TMEM183A: variants seen among roughly 807,000 people sequenced by gnomAD.
TMEM183A encodes transmembrane protein 183A.
Under a neutral mutation model 46.7 loss-of-function variants are expected in TMEM183A, and 21 were observed. The ratio of observed to expected loss-of-function variants is 0.45; its 90% CI spans 0.32 to 0.65. The LOEUF is 0.65. Among genes scored for constraint, TMEM183A ranks in the 30% least tolerant of loss-of-function variants. TMEM183A has a pLI of 0.04. For synonymous variants in TMEM183A, 165 were observed against 180.2 expected (o/e 0.92, Z 0.68); for missense variants, 331 against 481.9 (o/e 0.69, Z 2.93).
intron 7 of TMEM183A, 34 bp downstream of exon 7, chr1:203,020,982 C>CTTT (rs71142585): frequency 2.5e-4 from 311 of 1,233,230 alleles, no homozygotes; most frequent in South Asian, 6.3e-4. Context: ...TTCTCAGCTC[C>CTTT]TTTTTTTTTT....
In TMEM183A at chr1:203,020,681, A is replaced by G. The variant is rs940161958; in HGVS notation, c.790-112A>G. The G allele has an allele frequency of 3.8e-6, 5 of 1,318,756 alleles. No individual in the cohort carries two copies. The African/African-American group carries it at 7.5e-5, about 20-fold the overall frequency. 81.7% of individuals were successfully genotyped at this position (1,318,756 alleles called of 1,614,324 possible). On this transcript the variant is annotated intron_variant, in intron 6 of 7. Coordinates refer to ENST00000367242, the MANE Select transcript of TMEM183A (RefSeq NM_138391.6). ...ATAGAAACATGTATAAAGAGAGAAG[A>G]TAAAAGTGTATCTCACTAGCTTTAG...
rs142465608 is a variant in TMEM183A, at chr1:203,022,014, A to T, written c.946-841A>T. ...TTAATGTGTCTGTTAATATGTATGT[A>T]CTCTCTCTCTCTCAAATAATTTTGT... On this transcript the variant is annotated intron_variant, in intron 7 of 7. Coordinates refer to ENST00000367242, the MANE Select transcript of TMEM183A (RefSeq NM_138391.6). Among the ~76,000 whole-genome samples, 106 of 151,888 alleles carry T rather than the reference A, an allele frequency of 7.0e-4. 1 individual carries two copies. The East Asian group carries it at 0.016, about 23-fold the overall frequency.
chr1:203,016,769 T>C (rs1460589985), intron 5 of TMEM183A, among the ~76,000 whole-genome samples: 1 of 152,238 alleles, frequency 6.6e-6, no homozygotes, highest in East Asian at 1.9e-4. Context: ...TTCCCTGATA[T>C]TTTATATTCA....
intron 3 of TMEM183A, among the ~76,000 whole-genome samples, chr1:203,012,159 C>CAA: frequency 7.8e-6 from 1 of 128,686 alleles, no homozygotes; most frequent in East Asian, 2.1e-4. Flanking sequence ...CACACACACA[C>CAA]ACACACACAC....
chr1:203,007,950 G>A, intron 2 of TMEM183A, 87 bp downstream of exon 2: 6 of 1,523,050 alleles, frequency 3.9e-6, no homozygotes, highest in Non-Finnish European at 3.6e-6. Flanking sequence ...TCCTTTAGTC[G>A]TCTTCCTGTA....
In TMEM183A at chr1:203,023,583, A is replaced by G. The variant is rs1657920599; in HGVS notation, c.*543A>G. ...TCTTTTTTAAAAAATAATTTGTGAT[A>G]TTTATTGCATACATTTTCTTTTGGC... is the stretch of plus-strand genomic sequence containing the variant. On this transcript the variant is annotated 3_prime_UTR_variant, in exon 8 of 8. Transcript: ENST00000367242. The G allele has an allele frequency of 6.5e-6, 1 of 152,982 alleles. No homozygotes were observed. The highest frequency in any genetic ancestry group is 2.4e-5 in the African/African-American group (1 of 41,430). 9.5% of individuals were successfully genotyped at this position (152,982 alleles called of 1,614,324 possible).
Position 203,014,340 on chromosome 1 carries a change from C to T in TMEM183A, c.368-549C>T, listed in dbSNP as rs1452916707. Among the ~76,000 whole-genome samples the T allele has an allele frequency of 3.3e-5, 5 of 152,288 alleles. No homozygotes were observed. In the East Asian group the frequency reaches 5.8e-4, roughly 18 times the overall value. On this transcript the variant is annotated intron_variant, in intron 3 of 7. Transcript: ENST00000367242. The stretch of plus-strand genomic sequence containing the variant: ...AATGATGGTCAGGTGCAGTGGCTCA[C>T]GCCAGTAATCCCAGCACTTTGGGAG...
chr1:203,016,834 C>G (rs1476265820), intron 5 of TMEM183A, among the ~76,000 whole-genome samples: 1 of 152,126 alleles, frequency 6.6e-6, no homozygotes, highest in African/African-American at 2.4e-5. Flanking sequence ...TGTCTACTAG[C>G]CTTTGGTCCA....
intron 5 of TMEM183A, 178 bp downstream of exon 5, chr1:203,016,318 C>T: frequency 1.2e-6 from 1 of 829,716 alleles, no homozygotes. Flanking sequence ...GCTGTGCTGG[C>T]TGGCTTATCT....
At position 203,016,096 on chromosome 1, in the gene TMEM183A, C is replaced by T. The variant is rs746561575; in HGVS notation, c.664C>T (p.Pro222Ser). ...EPFAARISKN[P>S]AIPESTPSTL... Reference sequence around the variant, plus strand: ...ATTTGCTGCTCGAATCTCCAAGAATCCAGCCATTCCAGAAAGCACCCCCAG... The same window carrying T: ...ATTTGCTGCTCGAATCTCCAAGAATTCAGCCATTCCAGAAAGCACCCCCAG... Residue 222 changes from proline (P) to serine (S), a missense_variant, in exon 5 of 8, where the codon CCA (proline) becomes TCA (serine). Pro to Ser is a moderately conservative substitution (Grantham distance 74). This residue lies in a region of TMEM183A where 233 missense variants were observed against 385.8 expected (regional missense o/e 0.60). Transcript: ENST00000367242. The T allele has an allele frequency of 6.2e-7, 1 of 1,614,094 alleles. No homozygotes were observed. Among genetic ancestry groups the T allele is most frequent in the African/African-American group, 1.3e-5 (1 of 74,930 alleles).
intron 2 of TMEM183A, 40 bp from the exon 3 acceptor site, chr1:203,008,603 G>A (rs749418099): frequency 2.3e-5 from 33 of 1,426,930 alleles, no homozygotes; most frequent in Non-Finnish European, 3.0e-5. Context: ...TTTCTGGGTG[G>A]AGCTGTGTGC....
intron 5 of TMEM183A, chr1:203,017,623 C>A: frequency 2.0e-6 from 1 of 496,984 alleles, no homozygotes; most frequent in Non-Finnish European, 2.6e-6. Flanking sequence ...GCAGATATCC[C>A]GTGCATGGCC....
At chr1:203,012,575 C>T (rs559260129) in intron 3 of TMEM183A, among the ~76,000 whole-genome samples, 31 of 152,266 alleles carry the variant, frequency 2.0e-4, no homozygotes, top group Admixed American at 4.6e-4. Flanking sequence ...CTATTTCCTT[C>T]GTTTTGAAAG....
rs1657142377 is a variant in TMEM183A at position 203,016,087 on chromosome 1, T to G, written c.655T>G (p.Ser219Ala). 1.9e-6 allele frequency: 3 copies of G among 1,614,216 alleles called. No individual in the cohort carries two copies. Among genetic ancestry groups the G allele is most frequent in the South Asian group, 2.2e-5 (2 of 91,086 alleles). ...HMYEPFAARISKNPAIPESTP... is the reference protein window; with the variant it reads ...HMYEPFAARIAKNPAIPESTP... ...GTATGAGCCATTTGCTGCTCGAATC[T>G]CCAAGAATCCAGCCATTCCAGAAAG... The change falls in exon 5 of 8, where the codon TCC (serine) becomes GCC (alanine). Residue 219 changes from serine (S) to alanine (A), a missense_variant. By Grantham distance (99) the Ser-to-Ala change is moderately conservative (BLOSUM62 1). Coordinates refer to ENST00000367242, the MANE Select transcript of TMEM183A (RefSeq NM_138391.6).
chr1:203,015,302 TCC>T, intron 4 of TMEM183A: 1 of 527,120 alleles, frequency 1.9e-6, no homozygotes, highest in Non-Finnish European at 3.3e-6. Flanking sequence ...TTGCTTCAAG[TCC>T]CAGATAGAAG....
chr1:203,020,100 T>C (rs1460781075), intron 6 of TMEM183A, among the ~76,000 whole-genome samples: 1 of 152,214 alleles, frequency 6.6e-6, no homozygotes, highest in Non-Finnish European at 1.5e-5. Context: ...TACTATGAAT[T>C]ATTCTCACGT....
chr1:203,022,612 A>C (rs1657801515), intron 7 of TMEM183A, among the ~76,000 whole-genome samples: 1 of 152,108 alleles, frequency 6.6e-6, no homozygotes, highest in African/African-American at 2.4e-5. Context: ...CTGAGGCACA[A>C]GAATCGTTTG....
intron 7 of TMEM183A, 82 bp downstream of exon 7, chr1:203,021,030 T>TC: frequency 9.8e-7 from 1 of 1,019,808 alleles, no homozygotes; most frequent in Non-Finnish European, 1.3e-6. Context: ...CGCAGCTCTT[T>TC]TTTTTTTTTT....
rs777087124 is a variant in TMEM183A at position 203,016,091 on chromosome 1, A to G, written c.659A>G (p.Lys220Arg). Residue 220 changes from lysine to arginine, a missense_variant, in exon 5 of 8, where the codon AAG becomes AGG. By Grantham distance (26) the Lys-to-Arg change is conservative. This residue lies in a region of TMEM183A where 233 missense variants were observed against 385.8 expected (regional missense o/e 0.60). Coordinates refer to ENST00000367242, the MANE Select transcript of TMEM183A (RefSeq NM_138391.6). ...MYEPFAARIS[K>R]NPAIPESTPS... ...GAGCCATTTGCTGCTCGAATCTCCA[A>G]GAATCCAGCCATTCCAGAAAGCACC... 6.2e-7 allele frequency: 1 copy of G among 1,614,226 alleles called. No individual in the cohort carries two copies. The highest frequency in any genetic ancestry group is 1.3e-5 in the African/African-American group (1 of 75,060).
Sources: gnomAD v4.1 joint callset for allele counts (sites outside exome capture counted in the v4.1 genomes callset) on GRCh38, gnomAD v4.1.1 for gene constraint, gnomAD v4.1.1 regional missense constraint, MANE v1.5 for transcripts, NCBI Gene and HGNC (gene_info 2026-07-23, HGNC 2026-07-21) for gene names.